Variants in TMC8 observed in about 807,000 individuals in gnomAD.
The protein encoded by TMC8 is transmembrane channel like 8.
Under a neutral mutation model 76.0 loss-of-function variants are expected in TMC8, and 71 were observed. The ratio of observed to expected loss-of-function variants is 0.93; its 90% CI spans 0.77 to 1.14. The LOEUF (loss-of-function observed/expected upper bound fraction) is 1.14. Among genes scored for constraint, TMC8 ranks in the 50% most tolerant of loss-of-function variants. The pLI is 0.00. For synonymous variants in TMC8, 433 were observed against 433.8 expected (o/e 1.00, Z 0.02); for missense variants, 924 against 947.9 (o/e 0.97, Z 0.33).
rs1391927601 is a variant in TMC8, at chr17:78,132,419, A to G, written c.359A>G (p.Asn120Ser). 6.2e-7 allele frequency: 1 copy of G among 1,612,452 alleles called. No individual in the cohort carries two copies. The highest frequency in any genetic ancestry group is 8.5e-7 in the Non-Finnish European group (1 of 1,179,586). Residue 120 changes from asparagine (N) to serine (S), a missense_variant, in exon 4 of 16, where the codon AAC becomes AGC. By Grantham distance (46) the Asn-to-Ser change is conservative. Coordinates refer to ENST00000318430, the MANE Select transcript of TMC8 (RefSeq NM_152468.5). ...FTFLRFLLLL[N>S]LLSLLLTASF... Reference sequence around the variant, plus strand: ...TTCCTCCGCTTCCTGCTGCTACTCAACCTGCTGAGCCTGCTGCTCACCGCA... The same window carrying G: ...TTCCTCCGCTTCCTGCTGCTACTCAGCCTGCTGAGCCTGCTGCTCACCGCA...
intron 11 of TMC8, 40 bp from the exon 12 acceptor site, chr17:78,137,965 G>C (rs763774046): frequency 1.2e-6 from 2 of 1,612,226 alleles, no homozygotes; most frequent in African/African-American, 1.3e-5. Flanking sequence ...CCACGCATCT[G>C]TCTGGAGTGG....
Position 78,134,914 on chromosome 17 carries a change from C to A in TMC8, c.1032C>A (p.Ile344=). The A allele has an allele frequency of 6.2e-7, 1 of 1,614,158 alleles. No individual in the cohort carries two copies. The highest frequency in any genetic ancestry group is 8.5e-7 in the Non-Finnish European group (1 of 1,180,026). The change falls in exon 9 of 16, where the codon ATC becomes ATA. Residue 344 remains isoleucine (I), a synonymous_variant. Coordinates refer to ENST00000318430, the MANE Select transcript of TMC8 (RefSeq NM_152468.5). ...LLLQYLPPGV[I]ALVNFLGPLL... is the part of the protein sequence containing the mutation. ...TCCAGTACCTGCCCCCTGGGGTCAT[C>A]GCCCTGGTCAACTTCCTGGGTCCCC...
rs769031304 is a variant in TMC8 at position 78,134,870 on chromosome 17, G to A, written c.988G>A (p.Glu330Lys). 6.8e-6 allele frequency: 11 copies of A among 1,613,820 alleles called. No homozygotes were observed. The highest frequency in any genetic ancestry group is 6.7e-5 in the African/African-American group (5 of 74,908). The change falls in exon 9 of 16, where the codon GAG becomes AAG. Residue 330 changes from glutamate (E) to lysine (K), a missense_variant and splice_region_variant. By Grantham distance (56) the Glu-to-Lys change is moderately conservative. Transcript: ENST00000318430. ...ATKYSQDNKE[E>K]SLFLLLQYLP... ...TCCCCTGACCTGCCTTTTCCCGCAG[G>A]AGTCCCTGTTTCTGCTGCTCCAGTA...
chr17:78,131,898 G>T lies in TMC8; in HGVS notation c.166G>T (p.Ala56Ser), dbSNP rs1044475107. ...CCCGTCCAGGCAGCTGCGGGAGCCC[G>T]CGGGGGTGCAGACCTTGCGCTGGCA... ...KRLIWQLREP[A>S]GVQTLRWQRW... The change falls in exon 3 of 16, where the codon GCG (alanine) becomes TCG (serine). Residue 56 changes from alanine to serine, a missense_variant. Transcript: ENST00000318430. 4 of 1,469,504 alleles carry T rather than the reference G, an allele frequency of 2.7e-6. No homozygotes were observed. In the South Asian group the frequency reaches 4.1e-5, roughly 15 times the overall value. 91.0% of individuals were successfully genotyped at this position (1,469,504 alleles called of 1,614,324 possible).
rs1036607665 is a variant in TMC8 at position 78,137,899 on chromosome 17, G to A, written c.1349+85G>A. The A allele has an allele frequency of 6.9e-6, 11 of 1,596,348 alleles. No homozygotes were observed. The East Asian group carries it at 9.0e-5, about 13-fold the overall frequency. The stretch of plus-strand genomic sequence containing the variant: ...CCAGTGGCTACAGCCAAGGGTGAGC[G>A]GGTCCAGTGTGGAGCCCGGGAGTAA... On this transcript the variant is annotated intron_variant, in intron 11 of 15. Transcript: ENST00000318430.
Position 78,141,239 on chromosome 17 carries a change from T to C in TMC8, c.*127T>C, listed in dbSNP as rs544869239. 3 of 447,812 alleles carry C rather than the reference T, an allele frequency of 6.7e-6. No homozygotes were observed. The highest frequency in any genetic ancestry group is 6.5e-5 in the South Asian group (1 of 15,354). 27.7% of individuals were successfully genotyped at this position (447,812 alleles called of 1,614,324 possible). On this transcript the variant is annotated 3_prime_UTR_variant, in exon 16 of 16. Transcript: ENST00000318430. ...GGCCTCCCTCAGAGGTCCCCAAAGA[T>C]GGACACACAACCCCAGCGGCAGCAG... is the stretch of plus-strand genomic sequence containing the variant.
At chr17:78,134,601 A>C in intron 8 of TMC8, 37 bp downstream of exon 8, 1 of 1,611,662 alleles carries the variant, frequency 6.2e-7, no homozygotes, top group Non-Finnish European at 8.5e-7. Context: ...CCTGGCCAGA[A>C]CTGCGGGGGT....
In TMC8 at chr17:78,138,775, G is replaced by A. The variant is rs373936893; in HGVS notation, c.1823+43G>A. 67 of 1,599,476 alleles carry A rather than the reference G, an allele frequency of 4.2e-5. No homozygotes were observed. In the African/African-American group the frequency reaches 8.4e-4, roughly 20 times the overall value. On this transcript the variant is annotated intron_variant, in intron 14 of 15. Transcript: ENST00000318430. Reference sequence around the variant, plus strand: ...GGCCATGGGAGGGGACACCTGGAGGGGGAGGTCCTTCCTTCCATGGGGGTG... The same window carrying A: ...GGCCATGGGAGGGGACACCTGGAGGAGGAGGTCCTTCCTTCCATGGGGGTG...
At chr17:78,139,270 A>G (rs746365137) in intron 15 of TMC8, 30 bp downstream of exon 15, 3 of 1,611,564 alleles carry the variant, frequency 1.9e-6, no homozygotes, top group African/African-American at 1.3e-5. Flanking sequence ...GTGAGGGGAC[A>G]GCAGCTTCAG....
rs2075036185 is a variant in TMC8, at chr17:78,132,429, C to CCTG, written c.375_377dup (p.Leu126dup). The CCTG allele has an allele frequency of 1.2e-6, 2 of 1,612,730 alleles. No homozygotes were observed. On this transcript the variant is annotated inframe_insertion, in exon 4 of 16. Transcript: ENST00000318430. ...TCCTGCTGCTACTCAACCTGCTGAG[C>CCTG]CTGCTGCTCACCGCAAGCTTCGTGC...
At position 78,138,407 on chromosome 17, in the gene TMC8, C is replaced by T. The variant is rs778016694; in HGVS notation, c.1592C>T (p.Thr531Ile). The change falls in exon 13 of 16, where the codon ACC (threonine) becomes ATC (isoleucine). Residue 531 changes from threonine to isoleucine, a missense_variant. Transcript: ENST00000318430. Reference sequence around the variant, plus strand: ...CGGCCCTTCCGTGCCTCCAGCTCCACCTTCTTCTTCCAGCTAGTGCTCCTC... The same window carrying T: ...CGGCCCTTCCGTGCCTCCAGCTCCATCTTCTTCTTCCAGCTAGTGCTCCTC... The part of the protein sequence containing the change: ...SSRPFRASSS[T>I]FFFQLVLLLG... 1 of 1,612,728 alleles carries T rather than the reference C, an allele frequency of 6.2e-7. No homozygotes were observed. The highest frequency in any genetic ancestry group is 8.5e-7 in the Non-Finnish European group (1 of 1,179,996).
In TMC8 at chr17:78,131,362, T is replaced by G. The variant is rs920735920; in HGVS notation, c.-227T>G. 3 of 625,176 alleles carry G rather than the reference T, an allele frequency of 4.8e-6. No individual in the cohort carries two copies. The highest frequency in any genetic ancestry group is 8.3e-6 in the Non-Finnish European group (3 of 359,648). The allele number at this position is 625,176 out of a possible 1,614,324, so 38.7% of individuals were successfully genotyped here. A position where few individuals can be genotyped will look rare whatever the true frequency, so the allele number is the denominator to read the frequency against. ...CCCGAATTCGACCGCAGCAGGATTC[T>G]CTCTCATTTCTGAGCCCCGGAGGTG... On this transcript the variant is annotated 5_prime_UTR_variant, in exon 2 of 16. Transcript: ENST00000318430.
intron 9 of TMC8, among the ~76,000 whole-genome samples, chr17:78,135,650 C>T (rs2075206682): frequency 6.6e-6 from 1 of 152,230 alleles, no homozygotes; most frequent in African/African-American, 2.4e-5. Flanking sequence ...TTGTGTAAAG[C>T]CCACCTGAGC....
intron 12 of TMC8, 63 bp downstream of exon 12, chr17:78,138,251 T>A: frequency 6.2e-7 from 1 of 1,612,620 alleles, no homozygotes; most frequent in Non-Finnish European, 8.5e-7. Flanking sequence ...TGAGCTGGGC[T>A]CGCCTCCTGC....
rs2075369235 is a variant in TMC8, at chr17:78,141,330, T to C, written c.*218T>C. 1.0e-5 allele frequency: 4 copies of C among 393,612 alleles called. No homozygotes were observed. Among genetic ancestry groups the C allele is most frequent in the Non-Finnish European group, 1.8e-5 (4 of 223,920 alleles). The allele number at this position is 393,612 out of a possible 1,614,324, so 24.4% of individuals were successfully genotyped here. On this transcript the variant is annotated 3_prime_UTR_variant, in exon 16 of 16. Transcript: ENST00000318430. ...TCCCTTTAAAATGTCTATTTTTTAT[T>C]GTGTTTTTTATAATATACATAATCT...
rs1270843044 is a variant in TMC8 at position 78,131,839 on chromosome 17, G to A, written c.150-43G>A. On this transcript the variant is annotated intron_variant, in intron 2 of 15. Coordinates refer to ENST00000318430, the MANE Select transcript of TMC8 (RefSeq NM_152468.5). ...CCCGTCTGCTTGGCCCGGGTGGGCA[G>A]GGCGGGTGACTCAGGGGCGCCCCTG... The A allele has an allele frequency of 2.0e-6, 3 of 1,481,846 alleles. No homozygotes were observed. The Admixed American group carries it at 6.6e-5, about 33-fold the overall frequency. 91.8% of individuals were successfully genotyped at this position (1,481,846 alleles called of 1,614,324 possible). A position where few individuals can be genotyped will look rare whatever the true frequency, so the allele number is the denominator to read the frequency against.
chr17:78,131,199 G>A, intron 1 of TMC8, 82 bp from the exon 2 acceptor site: 1 of 347,528 alleles, frequency 2.9e-6, no homozygotes, highest in South Asian at 2.5e-5. Flanking sequence ...AGGTGGATGC[G>A]GGGTGCAGCA....
chr17:78,132,733 A>T (rs1447497093), intron 4 of TMC8, 55 bp from the exon 5 acceptor site: 6 of 1,591,868 alleles, frequency 3.8e-6, no homozygotes, highest in Non-Finnish European at 5.2e-6. Flanking sequence ...GTAGCCGCAG[A>T]GCCTCACCTA....
At chr17:78,134,167 G>C (rs2075143742) in intron 7 of TMC8, among the ~76,000 whole-genome samples, 167 bp downstream of exon 7, 1 of 152,234 alleles carries the variant, frequency 6.6e-6, no homozygotes. Context: ...GTGTGAATGT[G>C]TGTGCATGTG....
Sources: gnomAD v4.1 joint callset for allele counts (sites outside exome capture counted in the v4.1 genomes callset) on GRCh38, gnomAD v4.1.1 for gene constraint, MANE v1.5 for transcripts, NCBI Gene and HGNC (gene_info 2026-07-23, HGNC 2026-07-21) for gene names.